The following GCN1 variants were observed in gnomAD, a reference collection of about 807,000 sequenced individuals.
The protein encoded by GCN1 is stalled ribosome sensor GCN1.
Under a neutral mutation model 288.4 loss-of-function variants are expected in GCN1, and 90 were observed. That is an observed-to-expected ratio of 0.31 (90% CI 0.26 to 0.37). GCN1 has a LOEUF of 0.37. Among genes scored for constraint, GCN1 ranks in the 10% least tolerant of loss-of-function variants. The probability of loss-of-function intolerance (pLI) is 1.00; values close to 1 mark genes in which losing one functional copy is unlikely to be tolerated. For synonymous variants in GCN1, 1,386 were observed against 1,420.2 expected, an observed-to-expected ratio of 0.98 and a Z score of 0.54; for missense variants, 2,586 against 3,419.9, an observed-to-expected ratio of 0.76 and a Z score of 6.08.
chr12:120,138,109 C>G (rs1594261142), intron 47 of GCN1, 65 bp from the exon 48 acceptor site: 1 of 1,478,152 alleles, frequency 6.8e-7, no homozygotes, highest in African/African-American at 1.4e-5. Flanking sequence ...GCTCTGGGAA[C>G]AGACGGGTGG....
rs975548035 is a variant in GCN1, at chr12:120,175,845, T to C, written c.943A>G (p.Met315Val). The C allele has an allele frequency of 6.2e-7, 1 of 1,613,108 alleles. No individual in the cohort carries two copies. The highest frequency in any genetic ancestry group is 1.3e-5 in the African/African-American group (1 of 74,996). ...GHLKSNSPRLMDEAVLALRNL... is the reference protein window; with the variant it reads ...GHLKSNSPRLVDEAVLALRNL... The stretch of plus-strand genomic sequence containing the variant: ...CGCAGTGCCAGCACAGCTTCATCCA[T>C]CAGGCGGGGACTGTTGGATTTCAGG... Residue 315 changes from methionine (M) to valine (V), a missense_variant, in exon 11 of 58, where the codon ATG (methionine) becomes GTG (valine). Transcript: ENST00000300648.
In GCN1 at chr12:120,153,641, T is replaced by C. The variant is rs1877642913; in HGVS notation, c.3867+103A>G. On this transcript the variant is annotated intron_variant, in intron 32 of 57. Coordinates refer to ENST00000300648, the MANE Select transcript of GCN1 (RefSeq NM_006836.2). This position sits in a 1 kb window ranked among gnomAD's most constrained non-coding sequence, Gnocchi z 4.4. ...CTGCCAGGACTCTTGGCACTCAGCA[T>C]TTCTGGCCCCTGCTCAGCCCTAGCG... 1 of 1,151,394 alleles carries C rather than the reference T, an allele frequency of 8.7e-7. No homozygotes were observed. The highest frequency in any genetic ancestry group is 1.5e-5 in the African/African-American group (1 of 65,140). 71.3% of individuals were successfully genotyped at this position (1,151,394 alleles called of 1,614,324 possible).
intron 44 of GCN1, 94 bp from the exon 45 acceptor site, chr12:120,141,117 G>T: frequency 9.7e-7 from 1 of 1,031,992 alleles, no homozygotes. Flanking sequence ...AACCTCCCAG[G>T]CTTTATCTGA....
Position 120,169,784 on chromosome 12 carries a change from G to A in GCN1, c.1519+385C>T, listed in dbSNP as rs1292356139. Among the ~76,000 whole-genome samples, 7 of 152,198 alleles carry A rather than the reference G, an allele frequency of 4.6e-5. No homozygotes were observed. In the South Asian group the frequency reaches 6.2e-4, roughly 13 times the overall value. On this transcript the variant is annotated intron_variant, in intron 15 of 57. Transcript: ENST00000300648. ...CCCAAAGTGCAAAATTGGTAACACC[G>A]TTTACAGAGGGAAACTTAACGGCTA...
Position 120,164,741 on chromosome 12 carries a change from A to G in GCN1, c.1613-20T>C, listed in dbSNP as rs374587926. The G allele has an allele frequency of 9.7e-5, 152 of 1,566,984 alleles. No homozygotes were observed. The highest frequency in any genetic ancestry group is 1.2e-4 in the Non-Finnish European group (138 of 1,137,272). ...ACAGGGCTTGGAGGGAAGAAAAGGA[A>G]TGGAAGTGTTTTTAAAATAGTTAAG... On this transcript the variant is annotated intron_variant, in intron 16 of 57. Transcript: ENST00000300648.
In GCN1 at chr12:120,144,561, G is replaced by A. The variant is rs1338785319; in HGVS notation, c.5352+78C>T. The A allele has an allele frequency of 2.6e-6, 4 of 1,549,664 alleles. No individual in the cohort carries two copies. Among genetic ancestry groups the A allele is most frequent in the South Asian group, 1.2e-5 (1 of 85,906 alleles). ...CTGCCAACCAACCCCAGCCAGCAGG[G>A]ATCTCTAGCTCTCCAGGTGAGCACT... On this transcript the variant is annotated intron_variant, in intron 41 of 57. Transcript: ENST00000300648. The surrounding 1 kb of genome is among the most constrained non-coding windows in gnomAD (Gnocchi z 4.7).
chr12:120,170,451 A>G (rs944727461), intron 14 of GCN1, 130 bp from the exon 15 acceptor site: 6 of 764,154 alleles, frequency 7.9e-6, no homozygotes, highest in African/African-American at 7.1e-5. Flanking sequence ...AAATATCTCA[A>G]AAAGAAGTGA....
rs1215943204 is a variant in GCN1 at position 120,172,334 on chromosome 12, T to C, written c.1366+1319A>G. Among the ~76,000 whole-genome samples, 6 of 152,214 alleles carry C rather than the reference T, an allele frequency of 3.9e-5. No homozygotes were observed. In the East Asian group the frequency reaches 1.2e-3, roughly 29 times the overall value. On this transcript the variant is annotated intron_variant, in intron 14 of 57. Coordinates refer to ENST00000300648, the MANE Select transcript of GCN1 (RefSeq NM_006836.2). ...ACAAAGATGATCTATGATTCTGAGC[T>C]GGGAGACATATTTCAGAAAAAGATA...
intron 36 of GCN1, 29 bp from the exon 37 acceptor site, chr12:120,148,375 T>C: frequency 1.3e-6 from 2 of 1,588,698 alleles, no homozygotes; most frequent in Admixed American, 1.7e-5. Context: ...AGCCCAGTAC[T>C]GAATCACTGA....
At chr12:120,129,862 A>G (rs1876757332) in intron 56 of GCN1, among the ~76,000 whole-genome samples, 1 of 152,014 alleles carries the variant, frequency 6.6e-6, no homozygotes, top group Non-Finnish European at 1.5e-5. Flanking sequence ...TGCCAATCTT[A>G]TCTATATCAG....
Position 120,155,332 on chromosome 12 carries a change from G to A in GCN1, c.3539C>T (p.Ala1180Val). The change falls in exon 30 of 58, where the codon GCC (alanine) becomes GTC (valine). Residue 1180 changes from alanine (A) to valine (V), a missense_variant. Ala to Val is a moderately conservative substitution (Grantham distance 64). Coordinates refer to ENST00000300648, the MANE Select transcript of GCN1 (RefSeq NM_006836.2). The surrounding 1 kb of genome is among the most constrained non-coding windows in gnomAD (Gnocchi z 4.9). ...YHEAAVRQAG[A>V]EALSQAVARY... ...TGCCACTGCTTGGGAGAGGGCTTCG[G>A]CCCCTGCCTGCCTTACAGCCGCCTC... 6.2e-7 allele frequency: 1 copy of A among 1,614,170 alleles called. No homozygotes were observed. Among genetic ancestry groups the A allele is most frequent in the Non-Finnish European group, 8.5e-7 (1 of 1,180,034 alleles).
At chr12:120,138,087 G>C in intron 47 of GCN1, 43 bp from the exon 48 acceptor site, 1 of 1,559,834 alleles carries the variant, frequency 6.4e-7, no homozygotes, top group Non-Finnish European at 8.7e-7. Context: ...ACTGTGCCAG[G>C]TGCTGCGCTA....
chr12:120,140,590 G>C (rs757364318), intron 45 of GCN1, among the ~76,000 whole-genome samples: 1 of 152,188 alleles, frequency 6.6e-6, no homozygotes, highest in Non-Finnish European at 1.5e-5. Context: ...CTCCACAGTT[G>C]TAAGAGAGCG....
chr12:120,142,478 T>C lies in GCN1; in HGVS notation c.5829+29A>G. On this transcript the variant is annotated intron_variant, in intron 44 of 57. Coordinates refer to ENST00000300648, the MANE Select transcript of GCN1 (RefSeq NM_006836.2). This position sits in a 1 kb window ranked among gnomAD's most constrained non-coding sequence, Gnocchi z 4.9. ...CTCTGAAAGGAGGCACTGGGGCTGC[T>C]GGTCCAAAACAAGGCCCAGGAAACT... The C allele has an allele frequency of 6.4e-7, 1 of 1,571,526 alleles. No individual in the cohort carries two copies. Among genetic ancestry groups the C allele is most frequent in the Non-Finnish European group, 8.8e-7 (1 of 1,141,880 alleles).
chr12:120,144,585 C>G lies in GCN1; in HGVS notation c.5352+54G>C. The G allele has an allele frequency of 6.4e-7, 1 of 1,565,628 alleles. No individual in the cohort carries two copies. The highest frequency in any genetic ancestry group is 1.1e-5 in the South Asian group (1 of 88,304). On this transcript the variant is annotated intron_variant, in intron 41 of 57. Coordinates refer to ENST00000300648, the MANE Select transcript of GCN1 (RefSeq NM_006836.2). The surrounding 1 kb of genome is among the most constrained non-coding windows in gnomAD (Gnocchi z 4.7). ...GGATCTCTAGCTCTCCAGGTGAGCA[C>G]TTGCCTCCTGCCCTCCTCAAGGACT...
At chr12:120,135,890 C>T (rs550555201) in intron 51 of GCN1, among the ~76,000 whole-genome samples, 31 of 152,116 alleles carry the variant, frequency 2.0e-4, no homozygotes, top group African/African-American at 7.2e-4. Context: ...GTGGCAGACA[C>T]CTGTAATCCC....
At chr12:120,182,093 G>A (rs1878683078) in intron 5 of GCN1, among the ~76,000 whole-genome samples, 1 of 151,322 alleles carries the variant, frequency 6.6e-6, no homozygotes. Context: ...AGGTTGCAGT[G>A]AGCCGAGATT....
chr12:120,157,019 G>C (rs773793677), intron 26 of GCN1, 27 bp from the exon 27 acceptor site: 1 of 1,546,416 alleles, frequency 6.5e-7, no homozygotes. Context: ...GGTAAGTCGA[G>C]ATGAGGCTGT....
Position 120,180,275 on chromosome 12 carries a change from G to A in GCN1, c.427-1325C>T, listed in dbSNP as rs558001049. 3.3e-5 allele frequency among the ~76,000 whole-genome samples: 5 copies of A among 152,004 alleles called. No individual in the cohort carries two copies. In the South Asian group the frequency reaches 1.0e-3, roughly 32 times the overall value. On this transcript the variant is annotated intron_variant, in intron 5 of 57. Transcript: ENST00000300648. ...GGAGGCAGAGGTTGCGGTGAGCCGA[G>A]ATCACGCCTTTGTACTCCAGCCTGG...
Sources: gnomAD v4.1 joint callset for allele counts (sites outside exome capture counted in the v4.1 genomes callset) on GRCh38, gnomAD v4.1.1 for gene constraint, Gnocchi (gnomAD v3.1) non-coding constraint, MANE v1.5 for transcripts, NCBI Gene and HGNC (gene_info 2026-07-23, HGNC 2026-07-21) for gene names.